Variants in ELP1 observed in about 807,000 individuals in gnomAD.
ELP1 encodes the protein elongator complex protein 1.
A neutral mutation model predicts 183.2 loss-of-function variants in ELP1; 131 were observed. The observed-to-expected ratio is 0.72, with a 90% confidence interval of 0.62 to 0.83. The LOEUF (loss-of-function observed/expected upper bound fraction) is 0.83, where lower values mean the gene tolerates loss of function less well. Among genes scored for constraint, ELP1 ranks in the 40% least tolerant of loss-of-function variants. The pLI, the probability that ELP1 is intolerant of heterozygous loss-of-function variation, is 0.00. For missense variants in ELP1, 1,550 were observed against 1,594.9 expected (o/e 0.97, Z 0.48); for synonymous variants, 555 against 569.0 (o/e 0.98, Z 0.35).
At chr9:108,925,668 T>C (rs1829801739) in intron 5 of ELP1, among the ~76,000 whole-genome samples, 1 of 152,210 alleles carries the variant, frequency 6.6e-6, no homozygotes, top group Non-Finnish European at 1.5e-5. Flanking sequence ...GCTACCCCAG[T>C]ACCTGCACAT....
At chr9:108,916,346 T>A (rs1829433441) in intron 9 of ELP1, 49 bp from the exon 10 acceptor site, 1 of 1,392,720 alleles carries the variant, frequency 7.2e-7, no homozygotes, top group African/African-American at 1.4e-5. Context: ...TGGATTTACT[T>A]CCAAATCTTT....
At chr9:108,884,023 T>C (rs1392622302) in intron 29 of ELP1, among the ~76,000 whole-genome samples, 1 of 148,944 alleles carries the variant, frequency 6.7e-6, no homozygotes, top group African/African-American at 2.5e-5. Flanking sequence ...GAACCAATAA[T>C]GCTATCAACA....
chr9:108,930,555 T>A (rs1236801458), intron 2 of ELP1, among the ~76,000 whole-genome samples: 1 of 151,826 alleles, frequency 6.6e-6, no homozygotes, highest in South Asian at 2.1e-4. Context: ...CCGGGCGCGG[T>A]GGCGGGCGCC....
Position 108,900,306 on chromosome 9 carries a change from G to A in ELP1, c.2084C>T (p.Ser695Leu), listed in dbSNP as rs1394596658. 2 of 1,614,050 alleles carry A rather than the reference G, an allele frequency of 1.2e-6. No homozygotes were observed. The highest frequency in any genetic ancestry group is 1.7e-6 in the Non-Finnish European group (2 of 1,180,046). Residue 695 changes from serine to leucine, a missense_variant, in exon 19 of 37, where the codon TCA (serine) becomes TTA (leucine). By Grantham distance (145) the Ser-to-Leu change is moderately radical. Coordinates refer to ENST00000374647, the MANE Select transcript of ELP1 (RefSeq NM_003640.5). ...CTGGGGCACAACAGTGACAATCCGTGAACCCCTCTCCACTTTCCGCAGAAC... is the reference window on the plus strand; with the variant it reads ...CTGGGGCACAACAGTGACAATCCGTAAACCCCTCTCCACTTTCCGCAGAAC... ...GEVLRKVERG[S>L]RIVTVVPQDT...
intron 6 of ELP1, among the ~76,000 whole-genome samples, chr9:108,921,938 A>G (rs1014924321): frequency 2.6e-4 from 40 of 152,226 alleles, no homozygotes; most frequent in African/African-American, 9.7e-4. Context: ...TTACCTGCCC[A>G]TCTCAACCCT....
At position 108,902,946 on chromosome 9, in the gene ELP1, C is replaced by A; in HGVS notation, c.1751-4G>T. On this transcript the variant is annotated splice_polypyrimidine_tract_variant and splice_region_variant and intron_variant, in intron 15 of 36. Transcript: ENST00000374647. ...TTAATAGCCAGAGAAGGTGACTCTGCAAGATTCACAGATCTAGTTCACAAA... is the reference window on the plus strand; with the variant it reads ...TTAATAGCCAGAGAAGGTGACTCTGAAAGATTCACAGATCTAGTTCACAAA... 1 of 1,606,002 alleles carries A rather than the reference C, an allele frequency of 6.2e-7. No homozygotes were observed. The highest frequency in any genetic ancestry group is 1.3e-5 in the African/African-American group (1 of 74,890).
intron 24 of ELP1, 39 bp downstream of exon 24, chr9:108,896,914 C>T (rs561605772): frequency 1.2e-5 from 18 of 1,550,406 alleles, no homozygotes; most frequent in Admixed American, 3.3e-5. Flanking sequence ...GTAGCAGTCA[C>T]GGCCACCTTA....
chr9:108,883,314 C>T (rs1165740378), intron 29 of ELP1, among the ~76,000 whole-genome samples: 1 of 152,186 alleles, frequency 6.6e-6, no homozygotes, highest in Non-Finnish European at 1.5e-5. Context: ...CAGGTGCACA[C>T]CGCCATGCCT....
At chr9:108,913,058 C>A (rs1262375609) in intron 10 of ELP1, among the ~76,000 whole-genome samples, 1 of 152,062 alleles carries the variant, frequency 6.6e-6, no homozygotes, top group Non-Finnish European at 1.5e-5. Context: ...CCGTGCCTGG[C>A]CCACATGTTT....
At chr9:108,910,119 A>C (rs905592871) in intron 12 of ELP1, among the ~76,000 whole-genome samples, 1 of 152,228 alleles carries the variant, frequency 6.6e-6, no homozygotes, top group Non-Finnish European at 1.5e-5. Context: ...ACAAAAGCTT[A>C]CATCTGATTC....
In ELP1 at chr9:108,929,630, A is replaced by G. The variant is rs182821634; in HGVS notation, c.303+139T>C. ...GATAAAGCCATGTTAACAATTTTTT[A>G]AATAAAGAAATATATAATGCAAAAA... On this transcript the variant is annotated intron_variant, in intron 3 of 36. Coordinates refer to ENST00000374647, the MANE Select transcript of ELP1 (RefSeq NM_003640.5). 32 of 848,446 alleles carry G rather than the reference A, an allele frequency of 3.8e-5. No homozygotes were observed. The East Asian group carries it at 8.0e-4, about 21-fold the overall frequency. The allele number at this position is 848,446 out of a possible 1,614,324, so 52.6% of individuals were successfully genotyped here. A position where few individuals can be genotyped will look rare whatever the true frequency, so the allele number is the denominator to read the frequency against.
chr9:108,922,235 A>AATTC (rs1829671043), intron 6 of ELP1, among the ~76,000 whole-genome samples: 1 of 152,212 alleles, frequency 6.6e-6, no homozygotes, highest in Non-Finnish European at 1.5e-5. Flanking sequence ...TAAGAGTTTA[A>AATTC]ATGAATTTAA....
intron 25 of ELP1, among the ~76,000 whole-genome samples, chr9:108,896,052 T>C (rs1039053805): frequency 6.6e-6 from 1 of 152,158 alleles, no homozygotes; most frequent in South Asian, 2.1e-4. Flanking sequence ...GGTCAGGAGA[T>C]GGAGACCATC....
At chr9:108,910,811 G>C (rs749865921) in intron 12 of ELP1, among the ~76,000 whole-genome samples, 199 bp downstream of exon 12, 1 of 143,372 alleles carries the variant, frequency 7.0e-6, no homozygotes, top group Non-Finnish European at 1.5e-5. Flanking sequence ...GGAATGGCTC[G>C]TACAAACCAG....
rs1178214852 is a variant in ELP1 at position 108,907,524 on chromosome 9, T to G, written c.1460+781A>C. 2.0e-5 allele frequency among the ~76,000 whole-genome samples: 3 copies of G among 152,220 alleles called. No homozygotes were observed. The East Asian group carries it at 5.8e-4, about 29-fold the overall frequency. On this transcript the variant is annotated intron_variant, in intron 13 of 36. Transcript: ENST00000374647. ...TTAAGAAACATTATTTATTAAATTC[T>G]GCTATTTGTTGTACTCAGTTAATTA... is the stretch of plus-strand genomic sequence containing the variant.
chr9:108,928,485 A>T (rs541976181), intron 3 of ELP1, among the ~76,000 whole-genome samples: 1 of 152,318 alleles, frequency 6.6e-6, no homozygotes, highest in Non-Finnish European at 1.5e-5. Flanking sequence ...CCAGGAAGAA[A>T]ACACAGTGTA....
intron 2 of ELP1, 28 bp downstream of exon 2, chr9:108,930,969 A>T (rs1402218955): frequency 3.7e-6 from 6 of 1,613,140 alleles, no homozygotes. Flanking sequence ...TCATACCCAC[A>T]TGCTGGCATT....
Position 108,880,173 on chromosome 9 carries a change from T to G in ELP1, c.3347-8A>C. The G allele has an allele frequency of 6.4e-7, 1 of 1,565,618 alleles. No individual in the cohort carries two copies. The highest frequency in any genetic ancestry group is 8.8e-7 in the Non-Finnish European group (1 of 1,135,788). ...CCATATAATTTTTCTGGGCTGGAGA[T>G]GCAGAATGGAAAATAGTTTGAGCAT... On this transcript the variant is annotated splice_region_variant and splice_polypyrimidine_tract_variant and intron_variant, in intron 31 of 36. Transcript: ENST00000374647.
intron 15 of ELP1, among the ~76,000 whole-genome samples, chr9:108,903,183 T>C (rs973994405): frequency 1.3e-5 from 2 of 152,122 alleles, no homozygotes; most frequent in South Asian, 4.1e-4. Context: ...ACCCATTAAC[T>C]TGTCATTTAC....
Sources: gnomAD v4.1 joint callset for allele counts (sites outside exome capture counted in the v4.1 genomes callset) on GRCh38, gnomAD v4.1.1 for gene constraint, MANE v1.5 for transcripts, NCBI Gene and HGNC (gene_info 2026-07-23, HGNC 2026-07-21) for gene names.